RBMS1: variants seen among roughly 807,000 people sequenced by gnomAD.
The protein encoded by RBMS1 is RNA binding motif single stranded interacting protein 1.
A neutral mutation model predicts 62.3 loss-of-function variants in RBMS1; 17 were observed. That is an observed-to-expected ratio of 0.27 (90% CI 0.19 to 0.41). The LOEUF (loss-of-function observed/expected upper bound fraction) is 0.41, where lower values mean the gene tolerates loss of function less well. RBMS1 is among the 10% of genes least tolerant of loss of function. RBMS1 has a pLI of 1.00. For missense variants in RBMS1, 334 were observed against 504.5 expected (o/e 0.66, Z 3.24); for synonymous variants, 172 against 170.0 (o/e 1.01, Z -0.09).
At chr2:160,355,743 G>A (rs181371606) in intron 2 of RBMS1, among the ~76,000 whole-genome samples, 158 of 152,104 alleles carry the variant, frequency 1.0e-3, no homozygotes, top group Non-Finnish European at 2.0e-3. Context: ...TCATTCAAAT[G>A]CCAAACTTTG....
At chr2:160,462,670 G>A (rs1684516304) in intron 1 of RBMS1, among the ~76,000 whole-genome samples, 2 of 152,060 alleles carry the variant, frequency 1.3e-5, no homozygotes, top group Non-Finnish European at 2.9e-5. Context: ...GTGCAATAGC[G>A]CAATCTCGGC....
chr2:160,410,666 A>T (rs569363379), intron 1 of RBMS1, among the ~76,000 whole-genome samples: 1 of 152,376 alleles, frequency 6.6e-6, no homozygotes, highest in African/African-American at 2.4e-5. Flanking sequence ...TAACACATAG[A>T]AAGTAAGAAA....
At chr2:160,465,432 T>G (rs938282541) in intron 1 of RBMS1, among the ~76,000 whole-genome samples, 1 of 152,212 alleles carries the variant, frequency 6.6e-6, no homozygotes, top group Non-Finnish European at 1.5e-5. Context: ...TTATTCAGAT[T>G]TTTTGTTTGA....
At chr2:160,464,404 A>G (rs1054936853) in intron 1 of RBMS1, among the ~76,000 whole-genome samples, 4 of 152,258 alleles carry the variant, frequency 2.6e-5, no homozygotes. Context: ...ATAAATGTAG[A>G]TTTAAAAACA....
At chr2:160,379,662 T>C (rs1282939070) in intron 1 of RBMS1, among the ~76,000 whole-genome samples, 2 of 152,212 alleles carry the variant, frequency 1.3e-5, no homozygotes, top group Non-Finnish European at 2.9e-5. Context: ...CGTTTTAAAA[T>C]TATTTCACAA....
intron 1 of RBMS1, among the ~76,000 whole-genome samples, chr2:160,451,169 AT>A (rs1183476772): frequency 2.6e-5 from 4 of 151,838 alleles, no homozygotes; most frequent in South Asian, 2.1e-4. Context: ...AAAAAAAAAA[AT>A]AAATAAATAA....
chr2:160,403,064 T>C (rs560701834), intron 1 of RBMS1, among the ~76,000 whole-genome samples: 1 of 152,324 alleles, frequency 6.6e-6, no homozygotes, highest in East Asian at 1.9e-4. Context: ...ATGGAACATG[T>C]AATGAGATGC....
At chr2:160,381,262 TTTTTACCCATTTTAGTAAAATGGG>T (rs1339552361) in intron 1 of RBMS1, among the ~76,000 whole-genome samples, 1 of 152,190 alleles carries the variant, frequency 6.6e-6, no homozygotes, top group Non-Finnish European at 1.5e-5. Flanking sequence ...TTTAGCTCTC[TTTTTACCCATTTTAGTAAAATGGG>T]TAAAAATGGA....
chr2:160,469,410 C>T (rs1360880356), intron 1 of RBMS1, among the ~76,000 whole-genome samples: 2 of 152,142 alleles, frequency 1.3e-5, no homozygotes, highest in Non-Finnish European at 2.9e-5. Flanking sequence ...TCCAGGCTTC[C>T]CTGGAGTCCG....
At chr2:160,281,967 A>G in intron 9 of RBMS1, 1 of 197,278 alleles carries the variant, frequency 5.1e-6, no homozygotes, top group Non-Finnish European at 1.1e-5. Context: ...TTTGACATCT[A>G]CAGTCAAATG....
chr2:160,383,984 T>A (rs1156992156), intron 1 of RBMS1, among the ~76,000 whole-genome samples: 2 of 152,102 alleles, frequency 1.3e-5, no homozygotes, highest in Admixed American at 1.3e-4. Context: ...GATCACAAGG[T>A]CAGGAGATCG....
chr2:160,417,150 C>T (rs1424215521), intron 1 of RBMS1, among the ~76,000 whole-genome samples: 1 of 152,150 alleles, frequency 6.6e-6, no homozygotes, highest in African/African-American at 2.4e-5. Flanking sequence ...CACACACACA[C>T]ACGCATGCAC....
At position 160,381,742 on chromosome 2, in the gene RBMS1, T is replaced by C. The variant is rs910356834; in HGVS notation, c.76-14351A>G. The stretch of plus-strand genomic sequence containing the variant: ...ACCTTTGCTACGAATGGTATATCTA[T>C]GTCATGGTTACTAAACATCTTCCAA... On this transcript the variant is annotated intron_variant, in intron 1 of 13. Coordinates refer to ENST00000348849, the MANE Select transcript of RBMS1 (RefSeq NM_016836.4). Among the ~76,000 whole-genome samples, 11 of 152,240 alleles carry C rather than the reference T, an allele frequency of 7.2e-5. 1 individual carries two copies. The South Asian group carries it at 1.0e-3, about 14-fold the overall frequency.
At chr2:160,493,254 C>A (rs1685932750) in intron 1 of RBMS1, 35 bp downstream of exon 1, 1 of 1,601,460 alleles carries the variant, frequency 6.2e-7, no homozygotes, top group Admixed American at 1.7e-5. Context: ...CGGGCCCCCT[C>A]CTCCGGCCGT....
At chr2:160,315,199 T>C (rs990573440) in intron 3 of RBMS1, among the ~76,000 whole-genome samples, 1 of 152,202 alleles carries the variant, frequency 6.6e-6, no homozygotes, top group Non-Finnish European at 1.5e-5. Flanking sequence ...TTTCTGGCCT[T>C]TCCCAATGCC....
chr2:160,283,358 T>C (rs1486300936), intron 9 of RBMS1: 1 of 152,168 alleles, frequency 6.6e-6, no homozygotes, highest in Non-Finnish European at 1.5e-5. Context: ...CTGAGTCTTA[T>C]ACAGTCAAAG....
chr2:160,458,900 C>T (rs1684355333), intron 1 of RBMS1, among the ~76,000 whole-genome samples: 1 of 152,154 alleles, frequency 6.6e-6, no homozygotes, highest in Non-Finnish European at 1.5e-5. Flanking sequence ...TGGGGCGGGC[C>T]CTTACACTGC....
At chr2:160,452,753 A>C (rs1255598158) in intron 1 of RBMS1, among the ~76,000 whole-genome samples, 1 of 152,198 alleles carries the variant, frequency 6.6e-6, no homozygotes, top group African/African-American at 2.4e-5. Context: ...ATAGCAGAGA[A>C]CAAGACAGAC....
chr2:160,472,274 A>G (rs1684952023), intron 1 of RBMS1, among the ~76,000 whole-genome samples: 1 of 152,150 alleles, frequency 6.6e-6, no homozygotes, highest in South Asian at 2.1e-4. Flanking sequence ...GAGAAAGAAA[A>G]CTTCAATAAA....
Sources: allele counts gnomAD v4.1 joint callset (sites outside exome capture counted in the v4.1 genomes callset), GRCh38; gene constraint gnomAD v4.1.1; transcripts MANE v1.5; gene names NCBI Gene and HGNC (gene_info 2026-07-23, HGNC 2026-07-21).